TOX2: variants seen among roughly 807,000 people sequenced by gnomAD.
TOX2 encodes the protein TOX high mobility group box family member 2.
TOX2 carries 15 observed loss-of-function variants against 47.4 expected under a neutral mutation model. That is an observed-to-expected ratio of 0.32 (90% confidence interval 0.21 to 0.49). TOX2 has a LOEUF of 0.49. Among genes scored for constraint, TOX2 ranks in the 20% least tolerant of loss-of-function variants. TOX2 has a pLI of 0.99. For missense variants in TOX2, 622 were observed against 673.1 expected (o/e 0.92, Z 0.84); for synonymous variants, 290 against 296.6 (o/e 0.98, Z 0.23).
chr20:44,051,361 C>T lies in TOX2; in HGVS notation c.467C>T (p.Pro156Leu). 6.2e-7 allele frequency: 1 copy of T among 1,613,910 alleles called. No individual in the cohort carries two copies. Among genetic ancestry groups the T allele is most frequent in the Non-Finnish European group, 8.5e-7 (1 of 1,179,896 alleles). The change falls in exon 4 of 9, where the codon CCC (proline) becomes CTC (leucine). Residue 156 changes from proline (P) to leucine (L), a missense_variant. Pro to Leu is a moderately conservative substitution (Grantham distance 98). Around this residue, in one of 3 missense-constraint regions of TOX2, gnomAD observed 307 missense variants for 327.3 expected, o/e 0.94. Coordinates refer to ENST00000341197, the MANE Select transcript of TOX2 (RefSeq NM_001098797.2). Reference sequence around the variant, plus strand: ...GCCTATGACTCGGGCCGGCCCGGGCCCCTGCTGGGTCGCCCGGCAATGCTG... The same window carrying T: ...GCCTATGACTCGGGCCGGCCCGGGCTCCTGCTGGGTCGCCCGGCAATGCTG... ...VAAYDSGRPG[P>L]LLGRPAMLAS...
At chr20:43,945,934 G>C (rs777902608) in intron 1 of TOX2, 8 of 1,613,632 alleles carry the variant, frequency 5.0e-6, no homozygotes, top group South Asian at 2.2e-5. Flanking sequence ...TCGCACAGAG[G>C]CTGTCGCGGG....
intron 2 of TOX2, among the ~76,000 whole-genome samples, chr20:43,987,260 C>T (rs960974416): frequency 6.6e-6 from 1 of 152,100 alleles, no homozygotes; most frequent in African/African-American, 2.4e-5. Flanking sequence ...TGAAAGAAAC[C>T]AGACAACAAG....
chr20:44,014,988 C>T (rs1356365615), intron 3 of TOX2, among the ~76,000 whole-genome samples: 2 of 152,150 alleles, frequency 1.3e-5, no homozygotes, highest in East Asian at 1.9e-4. Flanking sequence ...GGGCCCAAGA[C>T]GCAATGCTTC....
At chr20:43,955,321 G>A (rs1341227616) in intron 1 of TOX2, 1 of 983,884 alleles carries the variant, frequency 1.0e-6, no homozygotes, top group Non-Finnish European at 1.2e-6. Context: ...GCCCATGGGG[G>A]CCTCTGGCAG....
In TOX2 at chr20:44,068,927, T is replaced by TC. The variant is rs2071887647; in HGVS notation, c.*243dup. 1 of 673,706 alleles carries TC rather than the reference T, an allele frequency of 1.5e-6. No individual in the cohort carries two copies. Among genetic ancestry groups the TC allele is most frequent in the Admixed American group, 2.1e-5 (1 of 48,358 alleles). The allele number at this position is 673,706 out of a possible 1,614,324, so 41.7% of individuals were successfully genotyped here. On this transcript the variant is annotated 3_prime_UTR_variant, in exon 9 of 9. Transcript: ENST00000341197. ...ACCTTCCGCCCGCTGACCTGCTTGC[T>TC]CCAGGGTAACTGTGGACCCTGTCCT...
chr20:43,968,820 C>T (rs1047294963), intron 1 of TOX2, among the ~76,000 whole-genome samples: 2 of 152,056 alleles, frequency 1.3e-5, no homozygotes, highest in Middle Eastern at 3.2e-3. Flanking sequence ...GTTCTCCTGG[C>T]GTTCATGGAA....
chr20:43,978,748 A>G (rs1041940094), intron 2 of TOX2, among the ~76,000 whole-genome samples: 1 of 148,582 alleles, frequency 6.7e-6, no homozygotes, highest in Admixed American at 6.7e-5. Flanking sequence ...TTTTTACAGG[A>G]ATTATTGAAA....
At chr20:43,970,379 C>T (rs1210022941) in intron 1 of TOX2, among the ~76,000 whole-genome samples, 1 of 152,244 alleles carries the variant, frequency 6.6e-6, no homozygotes. Context: ...TGATTGTCTA[C>T]TGTGCTTATC....
intron 3 of TOX2, among the ~76,000 whole-genome samples, chr20:44,038,577 T>G (rs539742450): frequency 2.6e-5 from 4 of 151,656 alleles, no homozygotes; most frequent in Admixed American, 1.3e-4. Context: ...AAAATTTAAT[T>G]GTGGGGGAAA....
chr20:44,009,348 G>A (rs2070742484), intron 3 of TOX2, among the ~76,000 whole-genome samples: 1 of 151,658 alleles, frequency 6.6e-6, no homozygotes, highest in African/African-American at 2.4e-5. Context: ...AGAAAGGGAA[G>A]GAGGGTGGGA....
At chr20:43,941,308 A>G (rs1483329216) in intron 1 of TOX2, among the ~76,000 whole-genome samples, 2 of 149,858 alleles carry the variant, frequency 1.3e-5, no homozygotes, top group African/African-American at 4.9e-5. Context: ...TTTGGATAAT[A>G]GGTGGTTTTA....
chr20:44,026,015 C>T (rs1288687846), intron 3 of TOX2, among the ~76,000 whole-genome samples: 1 of 151,682 alleles, frequency 6.6e-6, no homozygotes, highest in African/African-American at 2.4e-5. Flanking sequence ...CCATGGAGTC[C>T]TGGGTAGGGG....
At chr20:44,053,524 TATATATAC>T (rs1056945231) in intron 4 of TOX2, among the ~76,000 whole-genome samples, 49 of 41,002 alleles carry the variant, frequency 1.2e-3, no homozygotes, top group Non-Finnish European at 2.6e-3. Flanking sequence ...TATATACACA[TATATATAC>T]ATATATACTA....
At chr20:43,993,045 G>A (rs1267456163) in intron 2 of TOX2, among the ~76,000 whole-genome samples, 3 of 151,872 alleles carry the variant, frequency 2.0e-5, no homozygotes, top group Non-Finnish European at 4.4e-5. Context: ...AGTGATGTTC[G>A]AGTCCCCGCT....
chr20:44,037,245 C>T (rs1353927554), intron 3 of TOX2, among the ~76,000 whole-genome samples: 3 of 152,360 alleles, frequency 2.0e-5, no homozygotes, highest in South Asian at 4.1e-4. Flanking sequence ...TGAGCCATGG[C>T]GCCCAGTCAT....
intron 2 of TOX2, among the ~76,000 whole-genome samples, chr20:44,000,412 G>A (rs965987864): frequency 1.3e-5 from 2 of 152,188 alleles, no homozygotes; most frequent in Non-Finnish European, 2.9e-5. Context: ...GTGACACCTT[G>A]GTTTCTGGCC....
At chr20:44,053,845 G>A (rs73908515) in intron 4 of TOX2, among the ~76,000 whole-genome samples, 8,219 of 152,010 alleles carry the variant, frequency 0.054, 308 homozygotes, top group South Asian at 0.12. Flanking sequence ...TACCTTGGGC[G>A]GGGGAGGGGA....
At chr20:44,030,631 T>C (rs2071135106) in intron 3 of TOX2, among the ~76,000 whole-genome samples, 1 of 152,210 alleles carries the variant, frequency 6.6e-6, no homozygotes, top group South Asian at 2.1e-4. Context: ...GCCTTTGGCT[T>C]CCCTCTCGGC....
intron 3 of TOX2, among the ~76,000 whole-genome samples, chr20:44,035,801 C>T (rs914257401): frequency 2.0e-5 from 3 of 152,174 alleles, no homozygotes; most frequent in Admixed American, 6.5e-5. Context: ...AAACAGACTC[C>T]GAGATGGAGA....
Sources: gnomAD v4.1 joint callset for allele counts (sites outside exome capture counted in the v4.1 genomes callset) on GRCh38, gnomAD v4.1.1 for gene constraint, gnomAD v4.1.1 regional missense constraint, MANE v1.5 for transcripts, NCBI Gene and HGNC (gene_info 2026-07-23, HGNC 2026-07-21) for gene names.